Variants in GNG7 observed in about 807,000 individuals in gnomAD.
The protein encoded by GNG7 is guanine nucleotide-binding protein G(I)/G(S)/G(O) subunit gamma-7.
GNG7 carries 1 observed loss-of-function variant against 4.0 expected under a neutral mutation model. The ratio of observed to expected loss-of-function variants is 0.25; its 90% CI spans 0.09 to 1.18. GNG7 has a LOEUF of 1.18. Among genes scored for constraint, GNG7 ranks in the 50% most tolerant of loss-of-function variants. GNG7 has a pLI of 0.50. For missense variants in GNG7, 86 were observed against 91.9 expected (o/e 0.94, Z 0.26); for synonymous variants, 34 against 36.9 (o/e 0.92, Z 0.29).
At chr19:2,567,165 A>G (rs1032434037) in intron 2 of GNG7, among the ~76,000 whole-genome samples, 1 of 151,836 alleles carries the variant, frequency 6.6e-6, no homozygotes, top group Non-Finnish European at 1.5e-5. Flanking sequence ...CACAAAAACA[A>G]TAACAAAAAA....
intron 2 of GNG7, among the ~76,000 whole-genome samples, chr19:2,576,035 A>G (rs112086199): frequency 1.3e-5 from 1 of 74,954 alleles, no homozygotes; most frequent in African/African-American, 1.6e-4. Flanking sequence ...ACACACACAG[A>G]CACACACAGA....
intron 4 of GNG7, chr19:2,516,871 C>T (rs1259011082): frequency 6.6e-6 from 1 of 152,528 alleles, no homozygotes; most frequent in African/African-American, 2.4e-5. Context: ...TGCCAGCCCG[C>T]CCCAGGCTAC....
intron 2 of GNG7, among the ~76,000 whole-genome samples, chr19:2,582,611 T>C (rs1370437316): frequency 6.6e-6 from 1 of 150,908 alleles, no homozygotes; most frequent in Non-Finnish European, 1.5e-5. Context: ...ACCTTCCAAG[T>C]AGCTGGGACT....
At chr19:2,556,953 G>A (rs1979563633) in intron 2 of GNG7, among the ~76,000 whole-genome samples, 1 of 152,092 alleles carries the variant, frequency 6.6e-6, no homozygotes, top group Non-Finnish European at 1.5e-5. Flanking sequence ...CTCCGTGTGA[G>A]ATCCCTAACC....
At chr19:2,565,611 G>A (rs1319051057) in intron 2 of GNG7, among the ~76,000 whole-genome samples, 1 of 152,096 alleles carries the variant, frequency 6.6e-6, no homozygotes, top group Non-Finnish European at 1.5e-5. Context: ...AGAAATTTAG[G>A]ATTAGGAACC....
At chr19:2,575,644 CGCAGACACGCAGGCACACGCAGGCACAT>C (rs1980295207) in intron 2 of GNG7, among the ~76,000 whole-genome samples, 3 of 142,280 alleles carry the variant, frequency 2.1e-5, no homozygotes, top group Non-Finnish European at 4.6e-5. Flanking sequence ...CACAGGCACA[CGCAGACACGCAGGCACACGCAGGCACAT>C]GCAGACACGC....
chr19:2,644,487 A>G (rs1247793908), intron 2 of GNG7, among the ~76,000 whole-genome samples: 2 of 151,490 alleles, frequency 1.3e-5, no homozygotes, highest in Non-Finnish European at 1.5e-5. Context: ...TGCGGCACCA[A>G]AAAGAAGAAA....
At chr19:2,531,423 G>A (rs1048838622) in intron 3 of GNG7, among the ~76,000 whole-genome samples, 4 of 151,872 alleles carry the variant, frequency 2.6e-5, no homozygotes, top group Admixed American at 6.6e-5. Flanking sequence ...AAGGTGATGC[G>A]AGATTGCTGG....
Position 2,653,478 on chromosome 19 carries a change from G to GC in GNG7, c.-134-7199dup, listed in dbSNP as rs1377297886. Reference sequence around the variant, plus strand: ...GGAGGAGAATCCCAGGAGCTGGGGGGCCCCCCTGGTTTATACCGTCTTCCC... The same window carrying GC: ...GGAGGAGAATCCCAGGAGCTGGGGGGCCCCCCCTGGTTTATACCGTCTTCCC... On this transcript the variant is annotated intron_variant, in intron 1 of 4. Transcript: ENST00000382159. This position sits in a 1 kb window ranked among gnomAD's most constrained non-coding sequence, Gnocchi z 4.8. 6.6e-6 allele frequency among the ~76,000 whole-genome samples: 1 copy of GC among 151,398 alleles called. No individual in the cohort carries two copies. The highest frequency in any genetic ancestry group is 1.5e-5 in the Non-Finnish European group (1 of 67,966).
rs1982244121 is a variant in GNG7, at chr19:2,634,130, C to G, written c.-78+12094G>C. 6.6e-6 allele frequency among the ~76,000 whole-genome samples: 1 copy of G among 152,224 alleles called. No homozygotes were observed. The highest frequency in any genetic ancestry group is 6.5e-5 in the Admixed American group (1 of 15,286). On this transcript the variant is annotated intron_variant, in intron 2 of 4. Transcript: ENST00000382159. The surrounding 1 kb of genome is among the most constrained non-coding windows in gnomAD (Gnocchi z 5.3). ...GAGCTGGGGGTCCTCCTGGTTTACA[C>G]CGTCTGCCCCACTGGGCGTTTATGG...
rs769996939 is a variant in GNG7, at chr19:2,633,497, A to ACGCGCGCGCG, written c.-78+12726_-78+12727insCGCGCGCGCG. On this transcript the variant is annotated intron_variant, in intron 2 of 4. Transcript: ENST00000382159. This position sits in a 1 kb window ranked among gnomAD's most constrained non-coding sequence, Gnocchi z 5.9. Reference sequence around the variant, plus strand: ...CGCGCGCGCGCGCGCGCACACACACACACACACACACACACACACACACAC... The same window carrying ACGCGCGCGCG: ...CGCGCGCGCGCGCGCGCACACACACACGCGCGCGCGCACACACACACACACACACACACAC... Among the ~76,000 whole-genome samples, 4 of 121,326 alleles carry ACGCGCGCGCG rather than the reference A, an allele frequency of 3.3e-5. No homozygotes were observed. The highest frequency in any genetic ancestry group is 1.8e-4 in the African/African-American group (4 of 22,642). 79.6% of individuals were successfully genotyped at this position (121,326 alleles called of 152,430 possible).
Position 2,653,605 on chromosome 19 carries a change from C to T in GNG7, c.-134-7325G>A, listed in dbSNP as rs1449259575. On this transcript the variant is annotated intron_variant, in intron 1 of 4. Transcript: ENST00000382159. This position sits in a 1 kb window ranked among gnomAD's most constrained non-coding sequence, Gnocchi z 4.8. Reference sequence around the variant, plus strand: ...CCCTCGGCACTGTGGGCATTGGGGCCGGATCATTCTCTGGGGTGGGGCTGT... The same window carrying T: ...CCCTCGGCACTGTGGGCATTGGGGCTGGATCATTCTCTGGGGTGGGGCTGT... Among the ~76,000 whole-genome samples, 9 of 152,256 alleles carry T rather than the reference C, an allele frequency of 5.9e-5. No individual in the cohort carries two copies. In the South Asian group the frequency reaches 6.2e-4, roughly 11 times the overall value.
In GNG7 at chr19:2,626,964, C is replaced by A. The variant is rs1982036863; in HGVS notation, c.-78+19260G>T. Among the ~76,000 whole-genome samples the A allele has an allele frequency of 1.3e-5, 2 of 151,960 alleles. No individual in the cohort carries two copies. The highest frequency in any genetic ancestry group is 4.8e-5 in the African/African-American group (2 of 41,354). On this transcript the variant is annotated intron_variant, in intron 2 of 4. Transcript: ENST00000382159. This position sits in a 1 kb window ranked among gnomAD's most constrained non-coding sequence, Gnocchi z 5.0. ...ATTATTTGGGAATAAACTGAGTGTC[C>A]TCCCTACTCACACCAGACACTGGAA...
intron 2 of GNG7, among the ~76,000 whole-genome samples, chr19:2,584,287 T>TTAAA (rs1980581235): frequency 2.8e-5 from 3 of 107,492 alleles, no homozygotes; most frequent in East Asian, 5.9e-4. Flanking sequence ...CGCAAAGAAT[T>TTAAA]AAAAAAAAAA....
chr19:2,566,549 A>G (rs1456533035), intron 2 of GNG7, among the ~76,000 whole-genome samples: 2 of 152,230 alleles, frequency 1.3e-5, no homozygotes, highest in Non-Finnish European at 2.9e-5. Context: ...CCGAGACAGC[A>G]GACCAGAACT....
intron 2 of GNG7, among the ~76,000 whole-genome samples, chr19:2,606,694 T>A (rs994798795): frequency 1.9e-4 from 28 of 147,338 alleles, no homozygotes; most frequent in African/African-American, 3.2e-4. Context: ...TTAATTAATT[T>A]AAAAAAAAAG....
In GNG7 at chr19:2,678,953, C is replaced by T. The variant is rs933001392; in HGVS notation, c.-135+23693G>A. 1.2e-4 allele frequency among the ~76,000 whole-genome samples: 19 copies of T among 152,186 alleles called. 2 individuals are homozygous for T. The highest frequency in any genetic ancestry group is 9.2e-4 in the Admixed American group (14 of 15,272). ...AAGCCAGCCCAGCCAAGCTACAGCT[C>T]CTATCCCATCTCCCCAAGAACAGAC... is the stretch of plus-strand genomic sequence containing the variant. On this transcript the variant is annotated intron_variant, in intron 1 of 4. Coordinates refer to ENST00000382159, the MANE Select transcript of GNG7 (RefSeq NM_052847.3).
chr19:2,687,535 G>A (rs528926565), intron 1 of GNG7, among the ~76,000 whole-genome samples: 19 of 152,204 alleles, frequency 1.2e-4, no homozygotes, highest in Admixed American at 3.3e-4. Context: ...AGAATCGCTT[G>A]AGCCCGGGAG....
intron 2 of GNG7, chr19:2,642,913 C>T (rs1445284719): frequency 1.3e-5 from 6 of 454,742 alleles, no homozygotes; most frequent in African/African-American, 2.0e-5. Flanking sequence ...ACCATGTGCA[C>T]CGGAAATGCA....
Sources: allele counts gnomAD v4.1 joint callset (sites outside exome capture counted in the v4.1 genomes callset), GRCh38; gene constraint gnomAD v4.1.1; non-coding constraint Gnocchi (gnomAD v3.1); transcripts MANE v1.5; gene names NCBI Gene and HGNC (gene_info 2026-07-23, HGNC 2026-07-21).